CCDC85A: variants seen among roughly 807,000 people sequenced by gnomAD.
CCDC85A encodes the protein coiled-coil domain-containing protein 85A.
Under a neutral mutation model 50.2 loss-of-function variants are expected in CCDC85A, and 38 were observed. That is an observed-to-expected ratio of 0.76 (90% CI 0.58 to 0.99). The LOEUF is 0.99. Among genes scored for constraint, CCDC85A ranks in the 50% least tolerant of loss-of-function variants. The pLI, the probability that CCDC85A is intolerant of heterozygous loss-of-function variation, is 0.00. For missense variants in CCDC85A, 820 were observed against 742.0 expected (o/e 1.11, Z -1.22); for synonymous variants, 366 against 301.4 (o/e 1.21, Z -2.22).
chr2:56,282,148 G>A (rs1014679614), intron 2 of CCDC85A, among the ~76,000 whole-genome samples: 1 of 151,644 alleles, frequency 6.6e-6, no homozygotes, highest in Non-Finnish European at 1.5e-5. Context: ...TATGGATATC[G>A]AGGTACAATT....
At chr2:56,257,853 T>C (rs1189383537) in intron 2 of CCDC85A, among the ~76,000 whole-genome samples, 1 of 152,160 alleles carries the variant, frequency 6.6e-6, no homozygotes, top group Non-Finnish European at 1.5e-5. Context: ...AAAGATGTTG[T>C]AGATGCCAAA....
intron 2 of CCDC85A, among the ~76,000 whole-genome samples, chr2:56,239,179 G>A (rs1191802179): frequency 6.6e-6 from 1 of 152,106 alleles, no homozygotes; most frequent in African/African-American, 2.4e-5. Context: ...AGCCAGATGT[G>A]AGGGTCGTTA....
intron 2 of CCDC85A, among the ~76,000 whole-genome samples, chr2:56,300,926 C>T (rs559719492): frequency 6.6e-6 from 1 of 152,250 alleles, no homozygotes; most frequent in Non-Finnish European, 1.5e-5. Context: ...ATTTTTCCTA[C>T]AAACACAAAC....
chr2:56,287,528 A>G (rs1286958053), intron 2 of CCDC85A, among the ~76,000 whole-genome samples: 1 of 152,210 alleles, frequency 6.6e-6, no homozygotes, highest in Non-Finnish European at 1.5e-5. Context: ...TGTTTATGGC[A>G]GGAGGACAGA....
intron 2 of CCDC85A, among the ~76,000 whole-genome samples, chr2:56,308,992 G>C (rs1376696736): frequency 6.6e-6 from 1 of 152,176 alleles, no homozygotes; most frequent in Non-Finnish European, 1.5e-5. Context: ...AGATCTGTGG[G>C]TTCCTCAGCT....
At chr2:56,245,025 G>T (rs1047611590) in intron 2 of CCDC85A, among the ~76,000 whole-genome samples, 3 of 152,032 alleles carry the variant, frequency 2.0e-5, no homozygotes, top group Non-Finnish European at 4.4e-5. Flanking sequence ...AAGCTGTGCT[G>T]CCTGTGCTTG....
intron 2 of CCDC85A, among the ~76,000 whole-genome samples, chr2:56,196,884 CAAAAA>C (rs11301097): frequency 5.3e-5 from 7 of 131,154 alleles, no homozygotes; most frequent in Non-Finnish European, 3.3e-5. Context: ...TCTTCGTCTT[CAAAAA>C]AAAAAAAAAA....
rs189535021 is a variant in CCDC85A at position 56,322,243 on chromosome 2, C to T, written c.1241-20636C>T. Among the ~76,000 whole-genome samples the T allele has an allele frequency of 3.7e-3, 567 of 152,310 alleles. 2 individuals carry two copies. Among genetic ancestry groups the T allele is most frequent in the African/African-American group, 0.013 (540 of 41,568 alleles). ...AGGCCATAGGCATGGGCAAGGGCTT[C>T]ATGTCTAAAACACCAAAAGCAATGG... On this transcript the variant is annotated intron_variant, in intron 2 of 5. Coordinates refer to ENST00000407595, the MANE Select transcript of CCDC85A (RefSeq NM_001080433.2).
chr2:56,305,731 G>C (rs989250502), intron 2 of CCDC85A, among the ~76,000 whole-genome samples: 1 of 152,182 alleles, frequency 6.6e-6, no homozygotes, highest in Admixed American at 6.5e-5. Context: ...TAATTGATTG[G>C]CTGGTTTATA....
intron 2 of CCDC85A, among the ~76,000 whole-genome samples, chr2:56,312,038 G>T (rs901313952): frequency 6.6e-6 from 1 of 152,114 alleles, no homozygotes; most frequent in African/African-American, 2.4e-5. Flanking sequence ...ACTTGCTTCT[G>T]AGTGGCACTG....
chr2:56,358,068 G>A (rs1254916909), intron 3 of CCDC85A, among the ~76,000 whole-genome samples: 1 of 152,246 alleles, frequency 6.6e-6, no homozygotes, highest in Non-Finnish European at 1.5e-5. Context: ...CTCTGGTTTA[G>A]TATTTCTATT....
chr2:56,267,165 C>T (rs114167638), intron 2 of CCDC85A, among the ~76,000 whole-genome samples: 1,796 of 152,098 alleles, frequency 0.012, 41 homozygotes, highest in African/African-American at 0.041. Flanking sequence ...GAACAATTTT[C>T]ACTGGCCCTA....
chr2:56,251,605 C>T (rs1270521019), intron 2 of CCDC85A, among the ~76,000 whole-genome samples: 2 of 152,088 alleles, frequency 1.3e-5, no homozygotes, highest in African/African-American at 4.8e-5. Context: ...TTTGCTCCTT[C>T]CTTCATTGCT....
At chr2:56,261,523 G>C (rs974798523) in intron 2 of CCDC85A, among the ~76,000 whole-genome samples, 1 of 152,024 alleles carries the variant, frequency 6.6e-6, no homozygotes, top group South Asian at 2.1e-4. Flanking sequence ...TTCCCACAAT[G>C]TGTGCTTCAT....
At chr2:56,229,358 T>C (rs968916939) in intron 2 of CCDC85A, among the ~76,000 whole-genome samples, 1 of 152,206 alleles carries the variant, frequency 6.6e-6, no homozygotes, top group Admixed American at 6.5e-5. Flanking sequence ...TGGACATGTG[T>C]GATGTTTTCT....
At chr2:56,365,340 A>C (rs1675737630) in intron 3 of CCDC85A, among the ~76,000 whole-genome samples, 1 of 152,190 alleles carries the variant, frequency 6.6e-6, no homozygotes, top group Admixed American at 6.5e-5. Flanking sequence ...ATGTGCCTGG[A>C]GTGGAGAAGG....
At chr2:56,363,358 A>T (rs1374951304) in intron 3 of CCDC85A, among the ~76,000 whole-genome samples, 1 of 152,196 alleles carries the variant, frequency 6.6e-6, no homozygotes, top group Non-Finnish European at 1.5e-5. Context: ...TTCTGTAAAC[A>T]TTTAAGCATA....
rs1329066746 is a variant in CCDC85A at position 56,335,239 on chromosome 2, A to G, written c.1241-7640A>G. Among the ~76,000 whole-genome samples, 3 of 152,182 alleles carry G rather than the reference A, an allele frequency of 2.0e-5. No homozygotes were observed. The East Asian group carries it at 5.8e-4, about 29-fold the overall frequency. ...AAAACACTTTGTTCAGAACAGTAAT[A>G]ATTTTTAAAATACACAGTTCTGACG... is the stretch of plus-strand genomic sequence containing the variant. On this transcript the variant is annotated intron_variant, in intron 2 of 5. Transcript: ENST00000407595.
intron 3 of CCDC85A, among the ~76,000 whole-genome samples, chr2:56,358,490 A>C (rs1028895737): frequency 1.3e-5 from 2 of 152,190 alleles, no homozygotes; most frequent in Admixed American, 1.3e-4. Flanking sequence ...TTTATTATCT[A>C]TACCAGGGTT....
Sources: allele counts gnomAD v4.1 joint callset (sites outside exome capture counted in the v4.1 genomes callset), GRCh38; gene constraint gnomAD v4.1.1; transcripts MANE v1.5; gene names NCBI Gene and HGNC (gene_info 2026-07-23, HGNC 2026-07-21).